Variants in CPAMD8 observed in about 807,000 individuals in gnomAD.
CPAMD8 encodes C3 and PZP-like alpha-2-macroglobulin domain-containing protein 8.
A neutral mutation model predicts 224.7 loss-of-function variants in CPAMD8; 146 were observed. The observed-to-expected ratio is 0.65, with a 90% CI of 0.57 to 0.75. The LOEUF is 0.75. Among genes scored for constraint, CPAMD8 ranks in the 30% least tolerant of loss-of-function variants. CPAMD8 has a pLI of 0.00. For synonymous variants in CPAMD8, 966 were observed against 1,044.6 expected (o/e 0.92, Z 1.45); for missense variants, 2,301 against 2,537.5 (o/e 0.91, Z 2.00).
chr19:16,920,443 G>A (rs2053128010), intron 27 of CPAMD8, among the ~76,000 whole-genome samples: 1 of 152,166 alleles, frequency 6.6e-6, no homozygotes, highest in African/African-American at 2.4e-5. Context: ...TGGCGCCACT[G>A]CACTCCAGCC....
At chr19:17,004,726 G>A (rs990106136) in intron 7 of CPAMD8, among the ~76,000 whole-genome samples, 4 of 151,974 alleles carry the variant, frequency 2.6e-5, no homozygotes, top group African/African-American at 9.7e-5. Flanking sequence ...CCCGCCACCC[G>A]AGTCATTTCC....
Position 16,904,300 on chromosome 19 carries a change from C to T in CPAMD8, c.4177G>A (p.Val1393Met), listed in dbSNP as rs372432362. The change falls in exon 32 of 42, where the codon GTG becomes ATG. Residue 1393 changes from valine to methionine, a missense_variant. Physicochemically the swap from Val to Met is conservative, Grantham distance 21 (BLOSUM62 1). Transcript: ENST00000443236. ...ALLTYTLLGD[V>M]AAALPVVKWL... ...TTCACCACAGGCAGGGCGGCAGCCA[C>T]GTCACCCAGCAGAGTGTAGGTCAGA... is the stretch of plus-strand genomic sequence containing the variant. 61 of 1,613,590 alleles carry T rather than the reference C, an allele frequency of 3.8e-5. No homozygotes were observed. The highest frequency in any genetic ancestry group is 4.7e-5 in the Non-Finnish European group (55 of 1,180,026).
At chr19:16,947,699 G>A (rs1290172373) in intron 20 of CPAMD8, among the ~76,000 whole-genome samples, 4 of 96,106 alleles carry the variant, frequency 4.2e-5, no homozygotes, top group Non-Finnish European at 8.3e-5. Context: ...GTGCATGTGT[G>A]TGCTGTGAAT....
At chr19:16,928,902 T>C (rs938546983) in intron 24 of CPAMD8, 40 bp downstream of exon 24, 50 of 1,514,286 alleles carry the variant, frequency 3.3e-5, no homozygotes, top group Non-Finnish European at 4.3e-5. Flanking sequence ...TGGAGGAACA[T>C]GAGGCTTCTG....
At position 16,957,968 on chromosome 19, in the gene CPAMD8, A is replaced by C. The variant is rs955141292; in HGVS notation, c.2214-53T>G. 7 of 1,514,878 alleles carry C rather than the reference A, an allele frequency of 4.6e-6. No individual in the cohort carries two copies. The African/African-American group carries it at 9.7e-5, about 21-fold the overall frequency. The allele number at this position is 1,514,878 out of a possible 1,614,324, so 93.8% of individuals were successfully genotyped here. On this transcript the variant is annotated intron_variant, in intron 18 of 41. Coordinates refer to ENST00000443236, the MANE Select transcript of CPAMD8 (RefSeq NM_015692.5). ...AGGTTTCATGAACATAACAAATCTT[A>C]TGTGAACCTAGCAGCTTTGCATTCT...
rs767170888 is a variant in CPAMD8, at chr19:16,970,948, G to T, written c.2156C>A (p.Ala719Asp). ...GGLYTDEAVP[A>D]FQPHTGSLVA... ...CAGGCTCCCTGTGTGGGGCTGGAAA[G>T]CGGGGACAGCCTCATCGGTGTAGAG... The change falls in exon 18 of 42, where the codon GCT becomes GAT. Residue 719 changes from alanine to aspartate, a missense_variant. Physicochemically the swap from Ala to Asp is moderately radical, Grantham distance 126 (BLOSUM62 -2). This residue lies in a region of CPAMD8 where 1,709 missense variants were observed against 1,753.2 expected (regional missense o/e 0.97). Coordinates refer to ENST00000443236, the MANE Select transcript of CPAMD8 (RefSeq NM_015692.5). The T allele has an allele frequency of 2.5e-6, 4 of 1,613,934 alleles. No homozygotes were observed. Among genetic ancestry groups the T allele is most frequent in the African/African-American group, 2.7e-5 (2 of 75,040 alleles).
intron 11 of CPAMD8, among the ~76,000 whole-genome samples, chr19:16,995,231 A>G (rs1229208797): frequency 6.6e-6 from 1 of 152,142 alleles, no homozygotes; most frequent in Non-Finnish European, 1.5e-5. Context: ...CAGTGTTAGG[A>G]CAGCCAGCCA....
At chr19:16,965,211 T>C (rs2054789610) in intron 18 of CPAMD8, among the ~76,000 whole-genome samples, 1 of 151,652 alleles carries the variant, frequency 6.6e-6, no homozygotes, top group African/African-American at 2.4e-5. Flanking sequence ...AGTGAGCCGA[T>C]ATCGCACCAC....
At chr19:16,897,129 T>C (rs2052043785) in intron 39 of CPAMD8, among the ~76,000 whole-genome samples, 1 of 69,196 alleles carries the variant, frequency 1.4e-5, no homozygotes, top group Non-Finnish European at 2.8e-5. Flanking sequence ...CCACCACAAA[T>C]CCCGCCCCTC....
At chr19:17,007,335 A>T (rs75975709) in intron 7 of CPAMD8, among the ~76,000 whole-genome samples, 215 of 151,424 alleles carry the variant, frequency 1.4e-3, no homozygotes, top group African/African-American at 5.0e-3. Context: ...ACTGTATTTT[A>T]AAAAAAAAGA....
At chr19:16,953,032 A>G (rs2054347321) in intron 19 of CPAMD8, among the ~76,000 whole-genome samples, 1 of 152,134 alleles carries the variant, frequency 6.6e-6, no homozygotes, top group Non-Finnish European at 1.5e-5. Flanking sequence ...ATACAGACCA[A>G]TGGAATCAAA....
At chr19:16,990,536 A>G (rs1013560273) in intron 12 of CPAMD8, among the ~76,000 whole-genome samples, 9 of 152,084 alleles carry the variant, frequency 5.9e-5, no homozygotes, top group African/African-American at 1.9e-4. Flanking sequence ...TCCAGCCTGG[A>G]CAACAGAGCT....
intron 17 of CPAMD8, among the ~76,000 whole-genome samples, chr19:16,971,406 C>T (rs1388312444): frequency 1.3e-5 from 2 of 152,036 alleles, no homozygotes; most frequent in Admixed American, 6.6e-5. Context: ...CTGGGGAGAA[C>T]GTGGGACCCA....
chr19:16,904,176 A>AGGCCCCCCCCCCCCCCCCCCAG, intron 32 of CPAMD8, 50 bp downstream of exon 32: 1 of 937,340 alleles, frequency 1.1e-6, no homozygotes. Flanking sequence ...GACTGCAGGG[A>AGGCCCCCCCCCCCCCCCCCCAG]CCCCACCCAC....
intron 22 of CPAMD8, among the ~76,000 whole-genome samples, chr19:16,939,144 G>A (rs1005477327): frequency 1.7e-4 from 25 of 150,022 alleles, no homozygotes; most frequent in South Asian, 2.1e-4. Flanking sequence ...CATTAGGATG[G>A]TCAATTTTAT....
At chr19:17,014,563 G>A (rs2056760698) in intron 3 of CPAMD8, among the ~76,000 whole-genome samples, 1 of 152,190 alleles carries the variant, frequency 6.6e-6, no homozygotes, top group Non-Finnish European at 1.5e-5. Flanking sequence ...ACGTGGCTGG[G>A]GAGGTCTCAC....
chr19:16,977,336 C>G (rs960968450), intron 15 of CPAMD8, 32 bp downstream of exon 15: 1 of 1,535,180 alleles, frequency 6.5e-7, no homozygotes, highest in Non-Finnish European at 9.0e-7. Flanking sequence ...TGGCCCCTGG[C>G]TGTGTCCCAG....
Position 16,928,004 on chromosome 19 carries a change from C to T in CPAMD8, c.3370+5G>A, listed in dbSNP as rs1305153223. The T allele has an allele frequency of 1.2e-5, 19 of 1,602,862 alleles. No individual in the cohort carries two copies. The highest frequency in any genetic ancestry group is 4.5e-5 in the East Asian group (2 of 44,860). On this transcript the variant is annotated splice_donor_5th_base_variant and intron_variant, in intron 25 of 41. Coordinates refer to ENST00000443236, the MANE Select transcript of CPAMD8 (RefSeq NM_015692.5). ...TCTCCAAGCCAGGCTGTGGGACAGA[C>T]GCACCGATGATGGAGGCGGTGGCTC...
At chr19:17,014,831 T>C (rs2123186132) in intron 3 of CPAMD8, among the ~76,000 whole-genome samples, 1 of 152,302 alleles carries the variant, frequency 6.6e-6, no homozygotes, top group African/African-American at 2.4e-5. Flanking sequence ...ATTACCTCCC[T>C]CTATGTGACC....
Sources: allele counts gnomAD v4.1 joint callset (sites outside exome capture counted in the v4.1 genomes callset), GRCh38; gene constraint gnomAD v4.1.1; regional missense constraint gnomAD v4.1.1; transcripts MANE v1.5; gene names NCBI Gene and HGNC (gene_info 2026-07-23, HGNC 2026-07-21).